LCP1: variants seen among roughly 807,000 people sequenced by gnomAD.
LCP1 encodes the protein lymphocyte cytosolic protein 1.
Under a neutral mutation model 72.0 loss-of-function variants are expected in LCP1, and 23 were observed. The observed-to-expected ratio is 0.32, with a 90% CI of 0.23 to 0.45. LCP1 has a LOEUF of 0.45. Among genes scored for constraint, LCP1 ranks in the 20% least tolerant of loss-of-function variants. LCP1 has a pLI of 1.00. For missense variants in LCP1, 571 were observed against 748.3 expected (o/e 0.76, Z 2.76); for synonymous variants, 245 against 275.4 (o/e 0.89, Z 1.09).
At chr13:46,177,446 C>T (rs1160745122) in intron 1 of LCP1, among the ~76,000 whole-genome samples, 1 of 152,110 alleles carries the variant, frequency 6.6e-6, no homozygotes, top group Non-Finnish European at 1.5e-5. Context: ...TCGAGACCGT[C>T]CTGGCTAACA....
chr13:46,179,683 A>T (rs1316857673), intron 1 of LCP1, among the ~76,000 whole-genome samples: 1 of 151,650 alleles, frequency 6.6e-6, no homozygotes, highest in Non-Finnish European at 1.5e-5. Context: ...CAGTGAAAAA[A>T]GGTGAAAGAG....
Position 46,146,889 on chromosome 13 carries a change from G to A in LCP1, c.1174+19C>T. 1 of 1,613,092 alleles carries A rather than the reference G, an allele frequency of 6.2e-7. No homozygotes were observed. The highest frequency in any genetic ancestry group is 2.2e-5 in the East Asian group (1 of 44,878). On this transcript the variant is annotated intron_variant, in intron 10 of 15. Coordinates refer to ENST00000323076, the MANE Select transcript of LCP1 (RefSeq NM_002298.5). ...TTGTGAGTGCCTTTCCCCATCTTAG[G>A]CAAATCGTTTACAGTTACCTTCAAG...
rs2045597234 is a variant in LCP1, at chr13:46,126,227, T to G, written c.*1364A>C. The G allele has an allele frequency of 4.4e-6, 1 of 226,026 alleles. No individual in the cohort carries two copies. 14.0% of individuals were successfully genotyped at this position (226,026 alleles called of 1,614,324 possible). Reference sequence around the variant, plus strand: ...ACATACCACCACTAAAGAAGATACCTCATTGATGGAGCTTTTCACCATGAT... The same window carrying G: ...ACATACCACCACTAAAGAAGATACCGCATTGATGGAGCTTTTCACCATGAT... On this transcript the variant is annotated 3_prime_UTR_variant, in exon 16 of 16. Transcript: ENST00000323076.
chr13:46,171,854 C>T (rs1050432747), intron 1 of LCP1, among the ~76,000 whole-genome samples: 1 of 152,264 alleles, frequency 6.6e-6, no homozygotes, highest in Non-Finnish European at 1.5e-5. Flanking sequence ...ATACAGTCAG[C>T]CCTCATTGTC....
In LCP1 at chr13:46,143,283, T is replaced by C. The variant is rs1206223374; in HGVS notation, c.1368+7A>G. The C allele has an allele frequency of 6.3e-7, 1 of 1,592,868 alleles. No homozygotes were observed. Among genetic ancestry groups the C allele is most frequent in the Non-Finnish European group, 8.6e-7 (1 of 1,160,748 alleles). ...TCTCCTGGAACAACAGAACCATCAT[T>C]GTTTACCTTCTTCATATTGCCTCCC... On this transcript the variant is annotated splice_region_variant and intron_variant, in intron 12 of 15. Coordinates refer to ENST00000323076, the MANE Select transcript of LCP1 (RefSeq NM_002298.5).
At chr13:46,169,246 T>C (rs1395096227) in intron 1 of LCP1, among the ~76,000 whole-genome samples, 1 of 152,192 alleles carries the variant, frequency 6.6e-6, no homozygotes, top group African/African-American at 2.4e-5. Context: ...TCCCCCAAGA[T>C]TTCAAATGTC....
chr13:46,153,768 T>C (rs1245071910), intron 6 of LCP1, among the ~76,000 whole-genome samples: 1 of 150,934 alleles, frequency 6.6e-6, no homozygotes, highest in Non-Finnish European at 1.5e-5. Context: ...AAAGATGGAA[T>C]GGTTTTTGCT....
intron 15 of LCP1, 58 bp from the exon 16 acceptor site, chr13:46,127,781 A>G (rs2045608323): frequency 6.3e-7 from 1 of 1,598,702 alleles, no homozygotes; most frequent in Non-Finnish European, 8.5e-7. Context: ...CACGAATGGG[A>G]CCCTGGAGGG....
chr13:46,156,127 C>T (rs1455501648), intron 5 of LCP1, among the ~76,000 whole-genome samples: 1 of 152,220 alleles, frequency 6.6e-6, no homozygotes, highest in East Asian at 1.9e-4. Flanking sequence ...TTATAAGTTT[C>T]CCCCACTTAA....
rs558591045 is a variant in LCP1, at chr13:46,135,648, T to C, written c.1503-1398A>G. 2.0e-5 allele frequency among the ~76,000 whole-genome samples: 3 copies of C among 152,288 alleles called. No homozygotes were observed. The East Asian group carries it at 5.8e-4, about 29-fold the overall frequency. ...AAACTGACAGTGATGTCCTATCAAT[T>C]ACACCTCGTAAGTCTCCCTCAAATC... On this transcript the variant is annotated intron_variant, in intron 13 of 15. Transcript: ENST00000323076.
chr13:46,132,740 A>G (rs893550728), intron 14 of LCP1, among the ~76,000 whole-genome samples: 2 of 152,170 alleles, frequency 1.3e-5, no homozygotes, highest in African/African-American at 4.8e-5. Context: ...CAGACTGAAC[A>G]GTAGGCTGGA....
At chr13:46,154,757 A>T (rs756024617) in intron 6 of LCP1, 48 bp downstream of exon 6, 1 of 1,507,376 alleles carries the variant, frequency 6.6e-7, no homozygotes, top group African/African-American at 1.4e-5. Context: ...TATGATGCTC[A>T]TTGATGCCAA....
chr13:46,171,038 T>C (rs2138280035), intron 1 of LCP1, among the ~76,000 whole-genome samples: 1 of 152,302 alleles, frequency 6.6e-6, no homozygotes, highest in Non-Finnish European at 1.5e-5. Context: ...AGCCTATCTA[T>C]TTGGAGTCAG....
intron 1 of LCP1, chr13:46,169,483 A>G (rs920183306): frequency 2.0e-5 from 3 of 152,258 alleles, no homozygotes; most frequent in Non-Finnish European, 4.4e-5. Context: ...TATGTTGCCT[A>G]GGCAGGAGTG....
At chr13:46,154,659 T>G (rs1477538428) in intron 6 of LCP1, 146 bp downstream of exon 6, 2 of 633,776 alleles carry the variant, frequency 3.2e-6, no homozygotes, top group Non-Finnish European at 5.7e-6. Context: ...AATGTATCCC[T>G]TTATCCCTGA....
rs560495824 is a variant in LCP1, at chr13:46,130,741, T to G, written c.1751+73A>C. 22 of 1,559,692 alleles carry G rather than the reference T, an allele frequency of 1.4e-5. No individual in the cohort carries two copies. In the African/African-American group the frequency reaches 2.7e-4, roughly 19 times the overall value. On this transcript the variant is annotated intron_variant, in intron 15 of 15. Coordinates refer to ENST00000323076, the MANE Select transcript of LCP1 (RefSeq NM_002298.5). ...AAATGTTTGTATAAAGGCATGAGCA[T>G]TAGACTTTACAACCATCCAGCTGCC...
In LCP1 at chr13:46,131,003, G is replaced by A. The variant is rs561679043; in HGVS notation, c.1627-65C>T. On this transcript the variant is annotated intron_variant, in intron 14 of 15. Transcript: ENST00000323076. Reference sequence around the variant, plus strand: ...AAAGTTACTCCCATTCAGCTCAAAGGAAGTGGGTGGCTTTTTCTTCCTAAA... The same window carrying A: ...AAAGTTACTCCCATTCAGCTCAAAGAAAGTGGGTGGCTTTTTCTTCCTAAA... The A allele has an allele frequency of 1.0e-5, 15 of 1,488,948 alleles. No homozygotes were observed. In the South Asian group the frequency reaches 1.6e-4, roughly 16 times the overall value. The allele number at this position is 1,488,948 out of a possible 1,614,324, so 92.2% of individuals were successfully genotyped here.
At chr13:46,162,859 G>C (rs531133180) in intron 1 of LCP1, among the ~76,000 whole-genome samples, 17 of 146,820 alleles carry the variant, frequency 1.2e-4, no homozygotes, top group African/African-American at 4.3e-4. Context: ...GGTGAGGAGC[G>C]TCTCTGCACG....
intron 10 of LCP1, among the ~76,000 whole-genome samples, chr13:46,145,390 T>C (rs1477755834): frequency 2.6e-5 from 4 of 152,102 alleles, no homozygotes; most frequent in Admixed American, 2.0e-4. Flanking sequence ...ATTTGATAAA[T>C]GGAGACTCCA....
Sources: gnomAD v4.1 joint callset for allele counts (sites outside exome capture counted in the v4.1 genomes callset) on GRCh38, gnomAD v4.1.1 for gene constraint, MANE v1.5 for transcripts, NCBI Gene and HGNC (gene_info 2026-07-23, HGNC 2026-07-21) for gene names.